Variants in PLXDC2 observed in about 807,000 individuals in gnomAD.
PLXDC2 encodes the protein plexin domain containing 2.
PLXDC2 carries 40 observed loss-of-function variants against 68.9 expected under a neutral mutation model. That is an observed-to-expected ratio of 0.58 (90% confidence interval 0.45 to 0.76). The LOEUF is 0.76. PLXDC2 is among the 30% of genes least tolerant of loss of function. PLXDC2 has a pLI of 0.00. For synonymous variants in PLXDC2, 243 were observed against 234.2 expected (o/e 1.04, Z -0.34); for missense variants, 644 against 661.9 (o/e 0.97, Z 0.30).
intron 7 of PLXDC2, among the ~76,000 whole-genome samples, chr10:20,164,912 C>T (rs1834353733): frequency 6.6e-6 from 1 of 152,116 alleles, no homozygotes; most frequent in Middle Eastern, 3.2e-3. Flanking sequence ...ACCTCCCAGG[C>T]TCAAATGATC....
At chr10:20,075,041 G>A (rs1165532652) in intron 4 of PLXDC2, among the ~76,000 whole-genome samples, 1 of 152,160 alleles carries the variant, frequency 6.6e-6, no homozygotes, top group East Asian at 1.9e-4. Context: ...TGAATTGCGT[G>A]ATGTCTGATC....
At chr10:20,233,624 C>T (rs1274646777) in intron 12 of PLXDC2, among the ~76,000 whole-genome samples, 1 of 152,124 alleles carries the variant, frequency 6.6e-6, no homozygotes, top group African/African-American at 2.4e-5. Flanking sequence ...AGGAATGTAG[C>T]TGGTCTATAG....
Position 20,177,060 on chromosome 10 carries a change from C to T in PLXDC2, c.945C>T (p.Thr315=), listed in dbSNP as rs1479164567. The T allele has an allele frequency of 1.9e-6, 3 of 1,611,184 alleles. No homozygotes were observed. The highest frequency in any genetic ancestry group is 2.5e-6 in the Non-Finnish European group (3 of 1,178,580). Residue 315 remains threonine, a synonymous_variant, in exon 8 of 14, where the codon ACC becomes ACT. Transcript: ENST00000377252. The part of the protein sequence containing the change: ...HRVELQMSKI[T]NISAVEMTPL... Reference sequence around the variant, plus strand: ...TAGAGCTACAAATGTCAAAAATTACCAACATTTCGGCTGTGGAGATGACCC... The same window carrying T: ...TAGAGCTACAAATGTCAAAAATTACTAACATTTCGGCTGTGGAGATGACCC...
chr10:19,915,989 T>C (rs893143904), intron 1 of PLXDC2, among the ~76,000 whole-genome samples: 4 of 152,042 alleles, frequency 2.6e-5, no homozygotes, highest in Non-Finnish European at 5.9e-5. Context: ...AACAGCCAGG[T>C]GGTGCTTTCA....
At chr10:20,069,420 G>A (rs146549339) in intron 4 of PLXDC2, among the ~76,000 whole-genome samples, 2 of 152,166 alleles carry the variant, frequency 1.3e-5, no homozygotes, top group East Asian at 1.9e-4. Flanking sequence ...TACTTTGGAA[G>A]CTCAGGTGGG....
At chr10:20,262,157 C>T (rs1026281797) in intron 13 of PLXDC2, among the ~76,000 whole-genome samples, 4 of 152,158 alleles carry the variant, frequency 2.6e-5, no homozygotes, top group Non-Finnish European at 5.9e-5. Context: ...TCCTCCCCAA[C>T]CCAGGGAAAG....
intron 2 of PLXDC2, among the ~76,000 whole-genome samples, chr10:20,023,504 G>A (rs1372105511): frequency 6.6e-6 from 1 of 152,108 alleles, no homozygotes; most frequent in South Asian, 2.1e-4. Context: ...TGTTATTGAT[G>A]GAGGGGTTTC....
At chr10:19,912,036 G>A (rs934299377) in intron 1 of PLXDC2, among the ~76,000 whole-genome samples, 4 of 152,018 alleles carry the variant, frequency 2.6e-5, no homozygotes, top group Admixed American at 6.6e-5. Flanking sequence ...ATTTTCTTTC[G>A]ACTTAGTTTA....
At chr10:20,124,756 C>T (rs926614095) in intron 4 of PLXDC2, among the ~76,000 whole-genome samples, 2 of 151,896 alleles carry the variant, frequency 1.3e-5, no homozygotes, top group South Asian at 4.2e-4. Context: ...AGCTTTTGAG[C>T]CAGGATGAGC....
Position 20,082,064 on chromosome 10 carries a change from C to CAAAAAAAA in PLXDC2, c.541+13830_541+13837dup, listed in dbSNP as rs1252447303. ...CCATCTGAAAAAAAAAAAAAAAAAT[C>CAAAAAAAA]AAAAAAAAAAAACAGGAGAAGTCTG... On this transcript the variant is annotated intron_variant, in intron 4 of 13. Transcript: ENST00000377252. Among the ~76,000 whole-genome samples the CAAAAAAAA allele has an allele frequency of 6.6e-3, 460 of 69,980 alleles. 21 individuals are homozygous for CAAAAAAAA. The highest frequency in any genetic ancestry group is 0.011 in the South Asian group (20 of 1,890). The allele number at this position is 69,980 out of a possible 152,430, so 45.9% of individuals were successfully genotyped here. A position where few individuals can be genotyped will look rare whatever the true frequency, so the allele number is the denominator to read the frequency against.
chr10:19,886,473 A>G (rs1837848173), intron 1 of PLXDC2, among the ~76,000 whole-genome samples: 1 of 152,214 alleles, frequency 6.6e-6, no homozygotes, highest in South Asian at 2.1e-4. Context: ...GATTCAATAT[A>G]CACAAGTCAA....
rs79818543 is a variant in PLXDC2 at position 19,964,452 on chromosome 10, T to G, written c.113-37323T>G. On this transcript the variant is annotated intron_variant, in intron 1 of 13. Coordinates refer to ENST00000377252, the MANE Select transcript of PLXDC2 (RefSeq NM_032812.9). ...GCATAATATACTAAATAGCTTTCCA[T>G]TTTTCATCACTGCAGAAGAAATAAC... Among the ~76,000 whole-genome samples, 270 of 152,306 alleles carry G rather than the reference T, an allele frequency of 1.8e-3. 1 individual carries two copies. Among genetic ancestry groups the G allele is most frequent in the African/African-American group, 6.2e-3 (258 of 41,560 alleles).
intron 1 of PLXDC2, among the ~76,000 whole-genome samples, chr10:19,962,424 T>C (rs1262747263): frequency 2.3e-5 from 3 of 132,118 alleles, no homozygotes; most frequent in Admixed American, 7.9e-5. Flanking sequence ...GGAGTCTTGC[T>C]CTGTGAACCA....
intron 1 of PLXDC2, among the ~76,000 whole-genome samples, chr10:19,845,395 A>G (rs1836989402): frequency 6.6e-6 from 1 of 152,142 alleles, no homozygotes. Flanking sequence ...AGCCTGTGCC[A>G]TGAGGTGTTC....
chr10:19,973,325 TAC>T (rs1391034152), intron 1 of PLXDC2, among the ~76,000 whole-genome samples: 3 of 142,892 alleles, frequency 2.1e-5, no homozygotes, highest in Non-Finnish European at 3.1e-5. Flanking sequence ...TATATATGTA[TAC>T]ATATATATGT....
intron 3 of PLXDC2, among the ~76,000 whole-genome samples, chr10:20,063,545 C>G (rs1485471221): frequency 4.0e-5 from 6 of 151,742 alleles, no homozygotes; most frequent in African/African-American, 1.2e-4. Flanking sequence ...GCAAACAAGT[C>G]AAATGGGAAT....
At position 20,072,535 on chromosome 10, in the gene PLXDC2, GAAAGAAAGA is replaced by G. The variant is rs1400697476; in HGVS notation, c.541+4299_541+4307del. Among the ~76,000 whole-genome samples, 403 of 106,782 alleles carry G rather than the reference GAAAGAAAGA, an allele frequency of 3.8e-3. 15 individuals carry two copies. The highest frequency in any genetic ancestry group is 0.023 in the African/African-American group (321 of 14,246). 70.1% of individuals were successfully genotyped at this position (106,782 alleles called of 152,430 possible). A position where few individuals can be genotyped will look rare whatever the true frequency, so the allele number is the denominator to read the frequency against. ...AGAAAGAAAGAAAGAAAGAAAGAAA[GAAAGAAAGA>G]AAGAAAGAAAAGGAAAGAAAGGAAG... On this transcript the variant is annotated intron_variant, in intron 4 of 13. Transcript: ENST00000377252.
In PLXDC2 at chr10:20,286,385, T is replaced by C. The variant is rs1267854555; in HGVS notation, c.*6566T>C. ...ATGGAATAACATAAAAGCTTTTGAT[T>C]TGGCAGATAGTGATATTTTATTTAT... On this transcript the variant is annotated 3_prime_UTR_variant, in exon 14 of 14. Coordinates refer to ENST00000377252, the MANE Select transcript of PLXDC2 (RefSeq NM_032812.9). 4.6e-5 allele frequency: 7 copies of C among 152,242 alleles called. No homozygotes were observed. The highest frequency in any genetic ancestry group is 7.2e-5 in the African/African-American group (3 of 41,468). 9.4% of individuals were successfully genotyped at this position (152,242 alleles called of 1,614,324 possible).
At chr10:20,232,609 A>G (rs1835379885) in intron 12 of PLXDC2, among the ~76,000 whole-genome samples, 2 of 152,246 alleles carry the variant, frequency 1.3e-5, no homozygotes, top group Admixed American at 6.5e-5. Flanking sequence ...TGTTAAGCAA[A>G]AGATGCCAGA....
Sources: gnomAD v4.1 joint callset for allele counts (sites outside exome capture counted in the v4.1 genomes callset) on GRCh38, gnomAD v4.1.1 for gene constraint, MANE v1.5 for transcripts, NCBI Gene and HGNC (gene_info 2026-07-23, HGNC 2026-07-21) for gene names.